AUTS2: variants seen among roughly 807,000 people sequenced by gnomAD.
AUTS2 encodes the protein autism susceptibility gene 2 protein.
Under a neutral mutation model 112.4 loss-of-function variants are expected in AUTS2, and 17 were observed. The observed-to-expected ratio is 0.15, with a 90% CI of 0.10 to 0.23. The LOEUF is 0.23. AUTS2 is among the 10% of genes least tolerant of loss of function. The pLI, the probability that AUTS2 is intolerant of heterozygous loss-of-function variation, is 1.00. For synonymous variants in AUTS2, 751 were observed against 702.7 expected, an observed-to-expected ratio of 1.07 and a Z score of -1.09; for missense variants, 1,510 against 1,701.6, an observed-to-expected ratio of 0.89 and a Z score of 1.98.
In AUTS2 at chr7:69,791,784, A is replaced by G. The variant is rs145448855; in HGVS notation, c.310-107502A>G. On this transcript the variant is annotated intron_variant, in intron 1 of 18. Transcript: ENST00000342771. ...TGGGAAATTCTACAGTCCTGCAGCA[A>G]ATGGTGCAGTTGCAGAAGTGTGAAT... 3.4e-3 allele frequency among the ~76,000 whole-genome samples: 517 copies of G among 152,360 alleles called. 2 individuals carry two copies. Among genetic ancestry groups the G allele is most frequent in the Non-Finnish European group, 5.8e-3 (395 of 68,034 alleles).
chr7:70,757,738 C>T (rs937437847), intron 6 of AUTS2, among the ~76,000 whole-genome samples: 2 of 151,156 alleles, frequency 1.3e-5, no homozygotes, highest in Admixed American at 1.3e-4. Flanking sequence ...ATCCAGTTCT[C>T]ACTCCTCCCA....
intron 1 of AUTS2, among the ~76,000 whole-genome samples, chr7:69,633,181 A>G (rs1375810707): frequency 6.6e-6 from 1 of 152,136 alleles, no homozygotes; most frequent in Non-Finnish European, 1.5e-5. Context: ...AAGTGAGATC[A>G]TGCAATATTT....
intron 1 of AUTS2, among the ~76,000 whole-genome samples, chr7:69,630,627 T>C (rs1210838296): frequency 6.6e-6 from 1 of 152,250 alleles, no homozygotes; most frequent in Non-Finnish European, 1.5e-5. Context: ...CAACTTCCTT[T>C]CTCTGTTTTT....
At chr7:70,348,722 A>G (rs966635934) in intron 4 of AUTS2, among the ~76,000 whole-genome samples, 6 of 152,180 alleles carry the variant, frequency 3.9e-5, no homozygotes, top group African/African-American at 1.2e-4. Flanking sequence ...AGGCAGGAGA[A>G]TGGCGTGAAC....
intron 5 of AUTS2, among the ~76,000 whole-genome samples, chr7:70,487,589 G>A (rs886547739): frequency 6.6e-6 from 1 of 152,206 alleles, no homozygotes. Flanking sequence ...ATTGGGAGAG[G>A]GAAATGAGTT....
intron 1 of AUTS2, among the ~76,000 whole-genome samples, chr7:69,729,688 T>G (rs1275187022): frequency 6.6e-6 from 1 of 152,130 alleles, no homozygotes; most frequent in Non-Finnish European, 1.5e-5. Flanking sequence ...CCTCTTAATT[T>G]CTTCAGTACA....
At chr7:69,698,325 T>A (rs558506627) in intron 1 of AUTS2, among the ~76,000 whole-genome samples, 1 of 152,316 alleles carries the variant, frequency 6.6e-6, no homozygotes, top group African/African-American at 2.4e-5. Context: ...TTCCCTATTT[T>A]ATTGATTGCT....
intron 1 of AUTS2, among the ~76,000 whole-genome samples, chr7:69,872,666 G>A (rs1437207402): frequency 1.3e-5 from 2 of 151,304 alleles, no homozygotes; most frequent in Admixed American, 6.6e-5. Flanking sequence ...TGGCAGATTA[G>A]TATCCTGTGG....
intron 5 of AUTS2, among the ~76,000 whole-genome samples, chr7:70,516,241 C>G (rs996970197): frequency 3.3e-5 from 5 of 152,146 alleles, no homozygotes; most frequent in African/African-American, 7.2e-5. Context: ...TCTCCCCTCA[C>G]TAAGAGTCTC....
At chr7:69,763,640 T>G (rs1788290353) in intron 1 of AUTS2, among the ~76,000 whole-genome samples, 1 of 152,196 alleles carries the variant, frequency 6.6e-6, no homozygotes, top group Non-Finnish European at 1.5e-5. Flanking sequence ...GGAAGATTAC[T>G]TGCTTTTCTG....
intron 5 of AUTS2, among the ~76,000 whole-genome samples, chr7:70,525,132 A>T (rs1799789812): frequency 6.6e-6 from 1 of 152,196 alleles, no homozygotes; most frequent in Non-Finnish European, 1.5e-5. Context: ...AGACAGTCGG[A>T]TAGCACCTGC....
chr7:69,950,941 C>T (rs1177610114), intron 2 of AUTS2, among the ~76,000 whole-genome samples: 4 of 151,874 alleles, frequency 2.6e-5, no homozygotes, highest in Admixed American at 2.6e-4. Flanking sequence ...TTGAGACCAG[C>T]CAGGACAACA....
At chr7:69,676,606 C>G (rs2851516) in intron 1 of AUTS2, among the ~76,000 whole-genome samples, 93,478 of 152,026 alleles carry the variant, frequency 0.61, 29,048 homozygotes, top group East Asian at 0.7. Context: ...TTAAGTAAGT[C>G]TGACAATTTA....
intron 14 of AUTS2, among the ~76,000 whole-genome samples, chr7:70,777,927 A>G (rs1195875216): frequency 6.6e-6 from 1 of 152,194 alleles, no homozygotes; most frequent in Non-Finnish European, 1.5e-5. Flanking sequence ...GCTGTGGGAA[A>G]ATGGTAGAGT....
At chr7:69,915,170 T>C (rs920335641) in intron 2 of AUTS2, among the ~76,000 whole-genome samples, 11 of 152,208 alleles carry the variant, frequency 7.2e-5, no homozygotes, top group Admixed American at 6.5e-4. Context: ...AGGTTGAACA[T>C]CTCCTAGAGA....
intron 2 of AUTS2, among the ~76,000 whole-genome samples, chr7:69,901,493 CTAAGACG>C (rs1427011446): frequency 6.6e-6 from 1 of 152,210 alleles, no homozygotes; most frequent in African/African-American, 2.4e-5. Flanking sequence ...GAAAAGAAGA[CTAAGACG>C]TAACACATCT....
intron 1 of AUTS2, among the ~76,000 whole-genome samples, chr7:69,863,830 A>T (rs1328247704): frequency 1.3e-5 from 2 of 152,138 alleles, no homozygotes; most frequent in Non-Finnish European, 2.9e-5. Context: ...GCCCAGGGAG[A>T]TACAAAGCAC....
intron 5 of AUTS2, among the ~76,000 whole-genome samples, chr7:70,654,273 T>C (rs1307945917): frequency 6.6e-6 from 1 of 152,222 alleles, no homozygotes; most frequent in East Asian, 1.9e-4. Context: ...AGTAAAGGTC[T>C]AGATAGTAAA....
chr7:70,211,669 A>G (rs1810905963), intron 4 of AUTS2, among the ~76,000 whole-genome samples: 1 of 147,442 alleles, frequency 6.8e-6, no homozygotes, highest in South Asian at 2.2e-4. Flanking sequence ...AAAGAAAAAA[A>G]GAAAAAAGAC....
Sources: allele counts gnomAD v4.1 joint callset (sites outside exome capture counted in the v4.1 genomes callset), GRCh38; gene constraint gnomAD v4.1.1; transcripts MANE v1.5; gene names NCBI Gene and HGNC (gene_info 2026-07-23, HGNC 2026-07-21).